BCL9L: variants seen among roughly 807,000 people sequenced by gnomAD.
BCL9L encodes the protein B-cell CLL/lymphoma 9-like protein.
Under a neutral mutation model 99.4 loss-of-function variants are expected in BCL9L, and 19 were observed. That is an observed-to-expected ratio of 0.19 (90% CI 0.13 to 0.28). BCL9L has a LOEUF of 0.28. Ranked by LOEUF, BCL9L falls within the 10% of genes least tolerant of loss-of-function variation. The pLI is 1.00. For missense variants in BCL9L, 2,023 were observed against 2,101.6 expected (o/e 0.96, Z 0.73); for synonymous variants, 900 against 854.8 (o/e 1.05, Z -0.92).
rs1188578342 is a variant in BCL9L at position 118,902,254 on chromosome 11, T to C, written c.1489A>G (p.Met497Val). Reference protein sequence around the residue: ...EVPGHPPGGDMGQQMNMMIQR... With the variant: ...EVPGHPPGGDVGQQMNMMIQR... ...ATCATCATGTTCATCTGCTGCCCCA[T>C]GTCCCCACCCGGGGGGTGCCCAGGC... The change falls in exon 8 of 10, where the codon ATG (methionine) becomes GTG (valine). Residue 497 changes from methionine to valine, a missense_variant. Physicochemically the swap from Met to Val is conservative, Grantham distance 21. Coordinates refer to ENST00000683865, the MANE Select transcript of BCL9L (RefSeq NM_001378213.1). The surrounding 1 kb of genome is among the most constrained non-coding windows in gnomAD (Gnocchi z 7.8). The C allele has an allele frequency of 2.5e-6, 4 of 1,604,814 alleles. No individual in the cohort carries two copies. The highest frequency in any genetic ancestry group is 3.4e-6 in the Non-Finnish European group (4 of 1,174,110).
Position 118,925,794 on chromosome 11 carries a change from C to A in BCL9L, c.-687G>T, listed in dbSNP as rs1941264193. On this transcript the variant is annotated 5_prime_UTR_variant, in exon 1 of 10. Coordinates refer to ENST00000683865, the MANE Select transcript of BCL9L (RefSeq NM_001378213.1). This position sits in a 1 kb window ranked among gnomAD's most constrained non-coding sequence, Gnocchi z 6.4. ...CCGGCCGGCTGGCTCCGGGCGGCGG[C>A]GGTGGTGCAGCGGCCCCGGGTCCGG... 1.3e-5 allele frequency among the ~76,000 whole-genome samples: 2 copies of A among 149,766 alleles called. No homozygotes were observed. The highest frequency in any genetic ancestry group is 4.2e-4 in the South Asian group (2 of 4,792).
chr11:118,901,767 T>C lies in BCL9L; in HGVS notation c.1976A>G (p.Tyr659Cys). The C allele has an allele frequency of 3.7e-6, 6 of 1,612,194 alleles. No individual in the cohort carries two copies. The highest frequency in any genetic ancestry group is 5.1e-6 in the Non-Finnish European group (6 of 1,178,622). The change falls in exon 8 of 10, where the codon TAC becomes TGC. Residue 659 changes from tyrosine (Y) to cysteine (C), a missense_variant. Transcript: ENST00000683865. This position sits in a 1 kb window ranked among gnomAD's most constrained non-coding sequence, Gnocchi z 6.6. The part of the protein sequence containing the change: ...PSNFAQNTMP[Y>C]PGGQGEAERF... ...CTCCGCCTCACCCTGCCCACCTGGG[T>C]AGGGCATGGTGTTCTGGGCAAAATT...
intron 4 of BCL9L, 120 bp from the exon 5 acceptor site, chr11:118,907,722 C>CATTTTTTA: frequency 3.4e-6 from 5 of 1,453,960 alleles, no homozygotes; most frequent in East Asian, 4.9e-5. Context: ...CTGCCCAGGC[C>CATTTTTTA]ATGGTGGGCA....
intron 1 of BCL9L, among the ~76,000 whole-genome samples, chr11:118,924,093 G>A (rs1476877962): frequency 1.3e-5 from 2 of 152,136 alleles, no homozygotes; most frequent in Non-Finnish European, 2.9e-5. Flanking sequence ...AAGAGAAGGA[G>A]AAGACAGTGG....
At chr11:118,916,390 C>T (rs1207380164) in intron 2 of BCL9L, among the ~76,000 whole-genome samples, 3 of 152,308 alleles carry the variant, frequency 2.0e-5, no homozygotes, top group Non-Finnish European at 4.4e-5. Context: ...GCACCCCATC[C>T]CTGCCGCCCA....
chr11:118,898,919 A>C lies in BCL9L; in HGVS notation c.3996T>G (p.Ser1332=), dbSNP rs146707001. The C allele has an allele frequency of 8.1e-4, 1,301 of 1,613,002 alleles. No homozygotes were observed. The highest frequency in any genetic ancestry group is 1.0e-3 in the Non-Finnish European group (1,237 of 1,179,340). Reference sequence around the variant, plus strand: ...ACTGGAGGGTGCTGCTTGGCTTCTCAGAGGGGATGATCCTCGACAAGTCGA... The same window carrying C: ...ACTGGAGGGTGCTGCTTGGCTTCTCCGAGGGGATGATCCTCGACAAGTCGA... ...PEFDLSRIIP[S]EKPSSTLQYF... Residue 1332 remains serine, a synonymous_variant, in exon 10 of 10, where the codon TCT becomes TCG. Transcript: ENST00000683865.
rs1940624243 is a variant in BCL9L at position 118,908,453 on chromosome 11, C to A, written c.229G>T (p.Ala77Ser). 2 of 1,614,106 alleles carry A rather than the reference C, an allele frequency of 1.2e-6. No individual in the cohort carries two copies. The highest frequency in any genetic ancestry group is 2.2e-5 in the South Asian group (2 of 91,082). ...TCNVGSKGVG[A>S]GNHGAKANQI... ...TTGGCCTTGGCCCCATGGTTCCCCG[C>A]CCCCACGCCCTTCGAGCCCACGTTG... Residue 77 changes from alanine (A) to serine (S), a missense_variant, in exon 4 of 10, where the codon GCG (alanine) becomes TCG (serine). Physicochemically the swap from Ala to Ser is moderately conservative, Grantham distance 99. Coordinates refer to ENST00000683865, the MANE Select transcript of BCL9L (RefSeq NM_001378213.1).
At position 118,903,836 on chromosome 11, in the gene BCL9L, G is replaced by A. The variant is rs1181803977; in HGVS notation, c.533-384C>T. Among the ~76,000 whole-genome samples the A allele has an allele frequency of 6.6e-6, 1 of 152,200 alleles. No homozygotes were observed. Among genetic ancestry groups the A allele is most frequent in the Non-Finnish European group, 1.5e-5 (1 of 68,038 alleles). Reference sequence around the variant, plus strand: ...GAGCCAGAACTGAACCCAGGGCCGGGACTCTGAAGCTCCGCTCTGAGCTGC... The same window carrying A: ...GAGCCAGAACTGAACCCAGGGCCGGAACTCTGAAGCTCCGCTCTGAGCTGC... On this transcript the variant is annotated intron_variant, in intron 5 of 9. Coordinates refer to ENST00000683865, the MANE Select transcript of BCL9L (RefSeq NM_001378213.1). This position sits in a 1 kb window ranked among gnomAD's most constrained non-coding sequence, Gnocchi z 5.6.
Position 118,901,336 on chromosome 11 carries a change from G to C in BCL9L, c.2407C>G (p.Pro803Ala). Residue 803 changes from proline (P) to alanine (A), a missense_variant, in exon 8 of 10, where the codon CCT (proline) becomes GCT (alanine). By Grantham distance (27) the Pro-to-Ala change is conservative. This residue lies in a region of BCL9L where 1,116 missense variants were observed against 1,194.6 expected (regional missense o/e 0.93). Coordinates refer to ENST00000683865, the MANE Select transcript of BCL9L (RefSeq NM_001378213.1). The surrounding 1 kb of genome is among the most constrained non-coding windows in gnomAD (Gnocchi z 6.6). Reference sequence around the variant, plus strand: ...CCCTGGGGCCCCATCAAGTCCCCAGGGCCCCGCATCTTCTGCGACATCAGC... The same window carrying C: ...CCCTGGGGCCCCATCAAGTCCCCAGCGCCCCGCATCTTCTGCGACATCAGC... ...QMLMSQKMRG[P>A]GDLMGPQGLS... 1 of 1,613,648 alleles carries C rather than the reference G, an allele frequency of 6.2e-7. No individual in the cohort carries two copies. Among genetic ancestry groups the C allele is most frequent in the South Asian group, 1.1e-5 (1 of 91,078 alleles).
At position 118,900,136 on chromosome 11, in the gene BCL9L, C is replaced by T. The variant is rs372588686; in HGVS notation, c.3187G>A (p.Gly1063Ser). The T allele has an allele frequency of 7.6e-5, 122 of 1,612,544 alleles. No homozygotes were observed. Among genetic ancestry groups the T allele is most frequent in the Middle Eastern group, 1.7e-4 (1 of 6,060 alleles). ...SSAPPANPPS[G>S]LMNPSLPFTS... Reference sequence around the variant, plus strand: ...AATGGTAGGCTGGGGTTCATGAGGCCGCTGGGAGGGTTGGCGGGAGGTGCT... The same window carrying T: ...AATGGTAGGCTGGGGTTCATGAGGCTGCTGGGAGGGTTGGCGGGAGGTGCT... The change falls in exon 9 of 10, where the codon GGC becomes AGC. Residue 1063 changes from glycine (G) to serine (S), a missense_variant. Transcript: ENST00000683865. This position sits in a 1 kb window ranked among gnomAD's most constrained non-coding sequence, Gnocchi z 5.3.
chr11:118,904,913 T>G (rs955645812), intron 5 of BCL9L, among the ~76,000 whole-genome samples: 1 of 152,182 alleles, frequency 6.6e-6, no homozygotes, highest in Non-Finnish European at 1.5e-5. Flanking sequence ...AGAGCTGACC[T>G]CAATGTGTGA....
intron 1 of BCL9L, among the ~76,000 whole-genome samples, chr11:118,924,225 T>C (rs995779150): frequency 7.2e-5 from 11 of 151,834 alleles, no homozygotes; most frequent in African/African-American, 2.7e-4. Context: ...GGGCAGAAGA[T>C]CCAGGGAGGC....
In BCL9L at chr11:118,902,966, T is replaced by C. The variant is rs373658334; in HGVS notation, c.834+24A>G. 16 of 1,595,700 alleles carry C rather than the reference T, an allele frequency of 1.0e-5. No homozygotes were observed. Among genetic ancestry groups the C allele is most frequent in the Non-Finnish European group, 1.4e-5 (16 of 1,175,926 alleles). The stretch of plus-strand genomic sequence containing the variant: ...AAGGGGACGTTCCACCCAGTCCTGC[T>C]GCTCACAGAGGCGCCACGCTCACCT... On this transcript the variant is annotated intron_variant, in intron 7 of 9. Transcript: ENST00000683865. The surrounding 1 kb of genome is among the most constrained non-coding windows in gnomAD (Gnocchi z 7.8).
chr11:118,903,343 A>T lies in BCL9L; in HGVS notation c.642T>A (p.Pro214=). ...CAGGGGCATCAGGCCGAAGGCCAGG[A>T]GGAGGGCCGTGCGGGGCGCCTGGCA... is the stretch of plus-strand genomic sequence containing the variant. The part of the protein sequence containing the change: ...SSVPGAPHGP[P]PGLRPDAPGG... The change falls in exon 6 of 10, where the codon CCT becomes CCA. Residue 214 remains proline (P), a synonymous_variant. Transcript: ENST00000683865. The surrounding 1 kb of genome is among the most constrained non-coding windows in gnomAD (Gnocchi z 5.6). 6.3e-7 allele frequency: 1 copy of T among 1,596,744 alleles called. No homozygotes were observed. Among genetic ancestry groups the T allele is most frequent in the Non-Finnish European group, 8.5e-7 (1 of 1,172,470 alleles).
At chr11:118,911,351 TG>T (rs1291489648) in intron 2 of BCL9L, 1 of 437,500 alleles carries the variant, frequency 2.3e-6, no homozygotes, top group African/African-American at 2.0e-5. Flanking sequence ...GACCTGGGGG[TG>T]AGGGGGCCCC....
chr11:118,908,805 C>A lies in BCL9L; in HGVS notation c.27-150G>T, dbSNP rs1940651023. 3 of 648,530 alleles carry A rather than the reference C, an allele frequency of 4.6e-6. No individual in the cohort carries two copies. In the East Asian group the frequency reaches 8.3e-5, roughly 18 times the overall value. 40.2% of individuals were successfully genotyped at this position (648,530 alleles called of 1,614,324 possible). A position where few individuals can be genotyped will look rare whatever the true frequency, so the allele number is the denominator to read the frequency against. On this transcript the variant is annotated intron_variant, in intron 3 of 9. Transcript: ENST00000683865. Reference sequence around the variant, plus strand: ...AAGACCACCACCAGCTATTCTCTACCTCCCTCCATGGCTTCCTCAGACAAG... The same window carrying A: ...AAGACCACCACCAGCTATTCTCTACATCCCTCCATGGCTTCCTCAGACAAG...
chr11:118,915,478 A>C (rs186188677), intron 2 of BCL9L, among the ~76,000 whole-genome samples: 56 of 152,288 alleles, frequency 3.7e-4, no homozygotes, highest in African/African-American at 1.3e-3. Flanking sequence ...AAGTAAAAAG[A>C]CTTGGCTCCT....
At chr11:118,913,116 AG>A (rs1940858486) in intron 2 of BCL9L, among the ~76,000 whole-genome samples, 1 of 152,122 alleles carries the variant, frequency 6.6e-6, no homozygotes, top group Non-Finnish European at 1.5e-5. Flanking sequence ...TTCCAGGCTT[AG>A]GGGGCCTTCC....
chr11:118,899,909 C>T lies in BCL9L; in HGVS notation c.3406+8G>A. On this transcript the variant is annotated splice_region_variant and intron_variant, in intron 9 of 9. Transcript: ENST00000683865. ...TGGCCTCCCTGGGGCCCTGGCCTGTCCTCGCACCTGGCCCGGAGCCCTGCG... is the reference window on the plus strand; with the variant it reads ...TGGCCTCCCTGGGGCCCTGGCCTGTTCTCGCACCTGGCCCGGAGCCCTGCG... 3 of 1,610,618 alleles carry T rather than the reference C, an allele frequency of 1.9e-6. No individual in the cohort carries two copies. The highest frequency in any genetic ancestry group is 2.5e-6 in the Non-Finnish European group (3 of 1,178,804).
Sources: gnomAD v4.1 joint callset for allele counts (sites outside exome capture counted in the v4.1 genomes callset) on GRCh38, gnomAD v4.1.1 for gene constraint, gnomAD v4.1.1 regional missense constraint, Gnocchi (gnomAD v3.1) non-coding constraint, MANE v1.5 for transcripts, NCBI Gene and HGNC (gene_info 2026-07-23, HGNC 2026-07-21) for gene names.